Variants in BBS9 observed in about 807,000 individuals in gnomAD.
BBS9 encodes the protein protein PTHB1.
A neutral mutation model predicts 117.7 loss-of-function variants in BBS9; 89 were observed. The observed-to-expected ratio is 0.76, with a 90% CI of 0.64 to 0.90. The LOEUF is 0.90. Ranked by LOEUF, BBS9 falls within the 40% of genes least tolerant of loss-of-function variation. BBS9 has a pLI of 0.00. For synonymous variants in BBS9, 379 were observed against 370.9 expected (o/e 1.02, Z -0.25); for missense variants, 982 against 1,042.2 (o/e 0.94, Z 0.80).
At chr7:33,213,389 C>T (rs1250132649) in intron 5 of BBS9, among the ~76,000 whole-genome samples, 1 of 152,178 alleles carries the variant, frequency 6.6e-6, no homozygotes, top group Non-Finnish European at 1.5e-5. Flanking sequence ...AGTGGGCTCC[C>T]ATCTGGCCCA....
intron 21 of BBS9, among the ~76,000 whole-genome samples, chr7:33,536,681 T>TCCCCCCCCCCCCC (rs1563323298): frequency 2.7e-4 from 12 of 44,182 alleles, no homozygotes; most frequent in African/African-American, 4.7e-4. Context: ...GATTCGGCCT[T>TCCCCCCCCCCCCC]CCCCCCGCCC....
chr7:33,341,415 G>A (rs570981645), intron 11 of BBS9, among the ~76,000 whole-genome samples: 1 of 152,164 alleles, frequency 6.6e-6, no homozygotes, highest in African/African-American at 2.4e-5. Flanking sequence ...ACATTATGGT[G>A]GTGGTGGTGG....
At chr7:33,488,585 A>G (rs1350869566) in intron 19 of BBS9, among the ~76,000 whole-genome samples, 2 of 152,164 alleles carry the variant, frequency 1.3e-5, no homozygotes, top group Non-Finnish European at 2.9e-5. Flanking sequence ...TGGGGTTAGG[A>G]TTAGATGATT....
intron 9 of BBS9, among the ~76,000 whole-genome samples, chr7:33,332,601 C>T (rs1013709004): frequency 2.6e-5 from 4 of 151,984 alleles, no homozygotes; most frequent in African/African-American, 7.2e-5. Context: ...CGCTTGAACC[C>T]GGGAGGCAGA....
At chr7:33,245,941 T>C (rs999349202) in intron 5 of BBS9, among the ~76,000 whole-genome samples, 5 of 152,122 alleles carry the variant, frequency 3.3e-5, no homozygotes, top group African/African-American at 1.2e-4. Flanking sequence ...ACTGAGGAGT[T>C]CTTTTGGATA....
At chr7:33,633,474 G>T (rs1865989479) in intron 21 of BBS9, among the ~76,000 whole-genome samples, 1 of 150,040 alleles carries the variant, frequency 6.7e-6, no homozygotes, top group Non-Finnish European at 1.5e-5. Context: ...ATGAACAATT[G>T]CTTTGTATGG....
At chr7:33,541,355 C>T (rs903923285) in intron 21 of BBS9, among the ~76,000 whole-genome samples, 1 of 152,154 alleles carries the variant, frequency 6.6e-6, no homozygotes, top group Non-Finnish European at 1.5e-5. Flanking sequence ...CCAAATATAT[C>T]TCTTTTCATG....
chr7:33,342,555 C>A (rs188292201), intron 11 of BBS9, among the ~76,000 whole-genome samples: 1 of 152,048 alleles, frequency 6.6e-6, no homozygotes, highest in Non-Finnish European at 1.5e-5. Context: ...CTATTGGTAA[C>A]CCTGAATGCT....
chr7:33,451,597 G>A (rs1409309300), intron 19 of BBS9, among the ~76,000 whole-genome samples: 2 of 152,126 alleles, frequency 1.3e-5, no homozygotes, highest in Non-Finnish European at 2.9e-5. Flanking sequence ...AATTACTGCA[G>A]CTTTGTGATG....
chr7:33,242,203 T>C (rs1396852744), intron 5 of BBS9, among the ~76,000 whole-genome samples: 1 of 151,672 alleles, frequency 6.6e-6, no homozygotes, highest in East Asian at 1.9e-4. Context: ...CTAGGATAGA[T>C]TTTTTTTTCC....
chr7:33,143,934 T>A (rs934937488), intron 1 of BBS9, among the ~76,000 whole-genome samples: 3 of 150,366 alleles, frequency 2.0e-5, no homozygotes, highest in African/African-American at 2.4e-5. Context: ...GGATGGTTTG[T>A]TTTTGTTGTT....
intron 20 of BBS9, among the ~76,000 whole-genome samples, chr7:33,515,778 G>A (rs1044223743): frequency 2.6e-5 from 4 of 152,254 alleles, no homozygotes; most frequent in African/African-American, 7.2e-5. Flanking sequence ...TATTCTATCT[G>A]GATGTATTTT....
chr7:33,400,656 T>G (rs1234741325), intron 19 of BBS9, among the ~76,000 whole-genome samples: 1 of 152,170 alleles, frequency 6.6e-6, no homozygotes, highest in Non-Finnish European at 1.5e-5. Flanking sequence ...AAGAAAAAGA[T>G]GTACTGTTTT....
At chr7:33,621,461 C>T (rs865904670) in intron 21 of BBS9, among the ~76,000 whole-genome samples, 84 of 152,246 alleles carry the variant, frequency 5.5e-4, no homozygotes, top group African/African-American at 2.0e-3. Flanking sequence ...CATTCATCAT[C>T]AGGAAAATAA....
At chr7:33,457,788 C>G (rs976073839) in intron 19 of BBS9, among the ~76,000 whole-genome samples, 6 of 152,118 alleles carry the variant, frequency 3.9e-5, no homozygotes, top group Non-Finnish European at 8.8e-5. Context: ...ACCTCAATAT[C>G]TCTATTTAGA....
rs555195632 is a variant in BBS9, at chr7:33,142,508, A to G, written c.-11-3734A>G. ...CCATTTTTAACTATATAGTTCAGTA[A>G]TGGTAAGTAAATTGACATTATTGTG... On this transcript the variant is annotated intron_variant, in intron 1 of 22. Coordinates refer to ENST00000242067, the MANE Select transcript of BBS9 (RefSeq NM_198428.3). 3.3e-5 allele frequency among the ~76,000 whole-genome samples: 5 copies of G among 152,326 alleles called. No individual in the cohort carries two copies. The East Asian group carries it at 7.7e-4, about 23-fold the overall frequency.
chr7:33,591,541 T>TC (rs919189073), intron 21 of BBS9, among the ~76,000 whole-genome samples: 7 of 152,070 alleles, frequency 4.6e-5, no homozygotes, highest in Admixed American at 1.3e-4. Context: ...CGTAAAGTAT[T>TC]CACTGGGAGA....
At chr7:33,500,115 A>G (rs184696323) in intron 19 of BBS9, among the ~76,000 whole-genome samples, 55 of 152,354 alleles carry the variant, frequency 3.6e-4, no homozygotes, top group Admixed American at 3.1e-3. Flanking sequence ...TTCCTTTATA[A>G]TGTAACTTTG....
intron 19 of BBS9, among the ~76,000 whole-genome samples, chr7:33,454,463 C>T (rs531620057): frequency 1.3e-5 from 2 of 152,204 alleles, no homozygotes; most frequent in Non-Finnish European, 2.9e-5. Context: ...CTCCAAGAAG[C>T]TCCCAGCAGA....
Sources: gnomAD v4.1 joint callset for allele counts (sites outside exome capture counted in the v4.1 genomes callset) on GRCh38, gnomAD v4.1.1 for gene constraint, MANE v1.5 for transcripts, NCBI Gene and HGNC (gene_info 2026-07-23, HGNC 2026-07-21) for gene names.